PHF3: variants seen among roughly 807,000 people sequenced by gnomAD.
PHF3 encodes the protein PHD finger protein 3.
Under a neutral mutation model 178.4 loss-of-function variants are expected in PHF3, and 41 were observed. That is an observed-to-expected ratio of 0.23 (90% CI 0.18 to 0.30). PHF3 has a LOEUF of 0.30. PHF3 is among the 10% of genes least tolerant of loss of function. The probability of loss-of-function intolerance (pLI) is 1.00; values close to 1 mark genes in which losing one functional copy is unlikely to be tolerated. For missense variants in PHF3, 2,346 were observed against 2,398.1 expected (o/e 0.98, Z 0.45); for synonymous variants, 842 against 800.5 (o/e 1.05, Z -0.88).
chr6:63,659,412 A>G (rs978730076), intron 2 of PHF3, among the ~76,000 whole-genome samples: 21 of 152,214 alleles, frequency 1.4e-4, no homozygotes, highest in African/African-American at 4.8e-4. Context: ...CAAGATGAGT[A>G]TTGTAGGCAG....
At chr6:63,674,416 A>G (rs1766077925) in intron 2 of PHF3, among the ~76,000 whole-genome samples, 1 of 148,876 alleles carries the variant, frequency 6.7e-6, no homozygotes, top group South Asian at 2.2e-4. Context: ...CATTATTTAT[A>G]TAGCATTGTT....
chr6:63,687,923 T>C (rs1766785565), intron 4 of PHF3, among the ~76,000 whole-genome samples: 1 of 152,130 alleles, frequency 6.6e-6, no homozygotes, highest in African/African-American at 2.4e-5. Context: ...ATGTGAATAA[T>C]TTAACATTGG....
intron 5 of PHF3, 144 bp from the exon 6 acceptor site, chr6:63,694,437 T>C: frequency 1.9e-6 from 1 of 517,802 alleles, no homozygotes; most frequent in South Asian, 5.0e-5. Flanking sequence ...TATTATGTGT[T>C]CTACACAAAA....
chr6:63,664,064 T>C (rs971435492), intron 2 of PHF3, among the ~76,000 whole-genome samples: 13 of 152,292 alleles, frequency 8.5e-5, no homozygotes, highest in Admixed American at 7.9e-4. Flanking sequence ...AAATAGGAAT[T>C]CCAGTAAATG....
intron 2 of PHF3, among the ~76,000 whole-genome samples, chr6:63,654,075 AT>A (rs1190177286): frequency 6.6e-6 from 1 of 151,884 alleles, no homozygotes; most frequent in East Asian, 1.9e-4. Flanking sequence ...TTGGCCTCTA[AT>A]TTTCTTTTTT....
rs1768096924 is a variant in PHF3 at position 63,714,030 on chromosome 6, A to T, written c.*322A>T. On this transcript the variant is annotated 3_prime_UTR_variant, in exon 16 of 16. Coordinates refer to ENST00000262043, the MANE Select transcript of PHF3 (RefSeq NM_001370348.2). ...TATTCCTTAATTGGTAAATATGGTT[A>T]ACTATGGAATATATTTACTTCCTCT... is the stretch of plus-strand genomic sequence containing the variant. 1 of 196,516 alleles carries T rather than the reference A, an allele frequency of 5.1e-6. No homozygotes were observed. The highest frequency in any genetic ancestry group is 5.8e-5 in the Admixed American group (1 of 17,230). 12.2% of individuals were successfully genotyped at this position (196,516 alleles called of 1,614,324 possible).
chr6:63,657,614 TGTG>T (rs1343084297), intron 2 of PHF3, among the ~76,000 whole-genome samples: 1 of 152,258 alleles, frequency 6.6e-6, no homozygotes, highest in African/African-American at 2.4e-5. Context: ...TTTAGTAGGT[TGTG>T]GAGGAGGAGG....
intron 1 of PHF3, among the ~76,000 whole-genome samples, chr6:63,636,978 C>T (rs1300261276): frequency 2.6e-5 from 4 of 152,098 alleles, no homozygotes; most frequent in African/African-American, 9.7e-5. Context: ...CTTTTTCCAT[C>T]TTTGGGCTTT....
At chr6:63,675,896 CCTT>C (rs1338361387) in intron 2 of PHF3, among the ~76,000 whole-genome samples, 3 of 152,170 alleles carry the variant, frequency 2.0e-5, no homozygotes, top group Admixed American at 6.5e-5. Flanking sequence ...CTTCTTAACT[CCTT>C]CTCATCTGAT....
At chr6:63,671,390 A>G (rs767919457) in intron 2 of PHF3, among the ~76,000 whole-genome samples, 10 of 152,302 alleles carry the variant, frequency 6.6e-5, no homozygotes, top group African/African-American at 9.6e-5. Context: ...GGCTTTGGCC[A>G]TTACTCTCAA....
At position 63,716,182 on chromosome 6, in the gene PHF3, CTG is replaced by C. The variant is rs1487207058; in HGVS notation, c.*2475_*2476del. Among the ~76,000 whole-genome samples the C allele has an allele frequency of 4.6e-5, 7 of 152,124 alleles. No homozygotes were observed. The highest frequency in any genetic ancestry group is 4.4e-5 in the Non-Finnish European group (3 of 68,012). ...AGGTGAAGGCTTAGAGCTGAGGAAACTGGAACTTAGAGAAGTTGGGAAACTTG... is the reference window on the plus strand; with the variant it reads ...AGGTGAAGGCTTAGAGCTGAGGAAACGAACTTAGAGAAGTTGGGAAACTTG... On this transcript the variant is annotated 3_prime_UTR_variant, in exon 16 of 16. Coordinates refer to ENST00000262043, the MANE Select transcript of PHF3 (RefSeq NM_001370348.2).
chr6:63,650,569 A>C (rs1256426243), intron 2 of PHF3, among the ~76,000 whole-genome samples: 1 of 152,204 alleles, frequency 6.6e-6, no homozygotes, highest in Non-Finnish European at 1.5e-5. Context: ...TAATACTTGT[A>C]ATATATGTTA....
chr6:63,684,072 T>G, intron 3 of PHF3, 57 bp from the exon 4 acceptor site: 1 of 1,328,630 alleles, frequency 7.5e-7, no homozygotes, highest in Non-Finnish European at 1.0e-6. Context: ...TGTATTGAAA[T>G]AAAAGCACAT....
chr6:63,669,256 T>C (rs1363333999), intron 2 of PHF3, among the ~76,000 whole-genome samples: 1 of 152,226 alleles, frequency 6.6e-6, no homozygotes, highest in Non-Finnish European at 1.5e-5. Context: ...TAAAGCAGTA[T>C]AGTGAACATA....
chr6:63,721,420 C>A lies in PHF3; in HGVS notation c.*7712C>A, dbSNP rs948892214. ...CAGGCTGTCCCATCACAGTCACCTA[C>A]ATTTGAGCCACCTTTTGCTCCAAAT... On this transcript the variant is annotated 3_prime_UTR_variant, in exon 16 of 16. Transcript: ENST00000262043. The A allele has an allele frequency of 1.9e-6, 3 of 1,551,724 alleles. No homozygotes were observed. Among genetic ancestry groups the A allele is most frequent in the Non-Finnish European group, 2.6e-6 (3 of 1,146,952 alleles).
intron 1 of PHF3, among the ~76,000 whole-genome samples, chr6:63,637,658 GTTA>G (rs1435684584): frequency 9.9e-5 from 15 of 151,794 alleles, no homozygotes; most frequent in East Asian, 9.7e-4. Flanking sequence ...CATTATCACT[GTTA>G]TTATTATTTT....
chr6:63,653,525 G>T (rs1421969360), intron 2 of PHF3, among the ~76,000 whole-genome samples: 2 of 151,926 alleles, frequency 1.3e-5, no homozygotes, highest in Admixed American at 1.3e-4. Flanking sequence ...GCTGACTTTT[G>T]TATGTTTATT....
intron 6 of PHF3, among the ~76,000 whole-genome samples, chr6:63,696,431 C>T (rs144373236): frequency 7.8e-4 from 118 of 151,546 alleles, no homozygotes; most frequent in African/African-American, 2.6e-3. Context: ...GCTATCCTCT[C>T]GCCTCAACCT....
rs761643154 is a variant in PHF3, at chr6:63,726,011, A to G, written c.*12303A>G. On this transcript the variant is annotated 3_prime_UTR_variant, in exon 16 of 16. Coordinates refer to ENST00000262043, the MANE Select transcript of PHF3 (RefSeq NM_001370348.2). ...TAAAAAATTAAATTTTAAAACACTA[A>G]TTGGATACTTTATTTCATATTTTAT... is the stretch of plus-strand genomic sequence containing the variant. Among the ~76,000 whole-genome samples, 3 of 152,134 alleles carry G rather than the reference A, an allele frequency of 2.0e-5. No homozygotes were observed. The highest frequency in any genetic ancestry group is 4.4e-5 in the Non-Finnish European group (3 of 67,990).
Sources: gnomAD v4.1 joint callset for allele counts (sites outside exome capture counted in the v4.1 genomes callset) on GRCh38, gnomAD v4.1.1 for gene constraint, MANE v1.5 for transcripts, NCBI Gene and HGNC (gene_info 2026-07-23, HGNC 2026-07-21) for gene names.